MDC1: variants seen among roughly 807,000 people sequenced by gnomAD.
The protein encoded by MDC1 is mediator of DNA damage checkpoint 1.
A neutral mutation model predicts 142.5 loss-of-function variants in MDC1; 81 were observed. The observed-to-expected ratio is 0.57, with a 90% CI of 0.47 to 0.68. The LOEUF is 0.68. Among genes scored for constraint, MDC1 ranks in the 30% least tolerant of loss-of-function variants. The pLI is 0.00. For missense variants in MDC1, 2,119 were observed against 2,547.9 expected, an observed-to-expected ratio of 0.83 and a Z score of 3.62; for synonymous variants, 797 against 968.4, an observed-to-expected ratio of 0.82 and a Z score of 3.29.
At position 30,714,052 on chromosome 6, in the gene MDC1, G is replaced by A. The variant is rs774216207; in HGVS notation, c.268C>T (p.Arg90Ter). 7 of 1,612,958 alleles carry A rather than the reference G, an allele frequency of 4.3e-6. No homozygotes were observed. Among genetic ancestry groups the A allele is most frequent in the Middle Eastern group, 1.7e-4 (1 of 6,058 alleles). The change falls in exon 3 of 15, where the codon CGA (arginine) becomes TGA (stop). Residue 90 changes from arginine (R) to a stop codon, truncating the protein, a stop_gained. Coordinates refer to ENST00000376406, the MANE Select transcript of MDC1 (RefSeq NM_014641.3). LOFTEE classifies it high-confidence loss of function. ...ILAWDKAPILRDCGSLNGTQI... is the reference protein window; with the variant it reads ...ILAWDKAPIL The stretch of plus-strand genomic sequence containing the variant: ...GTACCATTAAGGCTCCCACAGTCTC[G>A]GAGGATAGGTGCCTTGTCCCAGGCT...
chr6:30,714,250 T>G, intron 2 of MDC1, 67 bp from the exon 3 acceptor site: 8 of 1,491,664 alleles, frequency 5.4e-6, no homozygotes, highest in Non-Finnish European at 7.1e-6. Context: ...AAAAAGTGCC[T>G]ATTAGGTACT....
chr6:30,707,451 A>C lies in MDC1; in HGVS notation c.3017T>G (p.Leu1006Arg). The change falls in exon 9 of 15, where the codon CTC becomes CGC. Residue 1006 changes from leucine (L) to arginine (R), a missense_variant. Physicochemically the swap from Leu to Arg is moderately radical, Grantham distance 102. Transcript: ENST00000376406. ...PVSPRRHQKG[L>R]LNCKMPPAEK... ...AGCAGGTGGCATCTTGCAATTCAGGAGGCCTAGACAGAAAGTAAACACAAA... is the reference window on the plus strand; with the variant it reads ...AGCAGGTGGCATCTTGCAATTCAGGCGGCCTAGACAGAAAGTAAACACAAA... 6.2e-7 allele frequency: 1 copy of C among 1,613,114 alleles called. No individual in the cohort carries two copies. Among genetic ancestry groups the C allele is most frequent in the Non-Finnish European group, 8.5e-7 (1 of 1,180,044 alleles).
intron 14 of MDC1, 101 bp from the exon 15 acceptor site, chr6:30,700,733 T>G: frequency 8.2e-7 from 1 of 1,226,010 alleles, no homozygotes; most frequent in Non-Finnish European, 1.2e-6. Flanking sequence ...TAATACCTCC[T>G]AATATGAAGC....
Position 30,707,802 on chromosome 6 carries a change from CTG to C in MDC1, c.2775_2776del (p.Asn925LysfsTer90). 1 of 1,613,124 alleles carries C rather than the reference CTG, an allele frequency of 6.2e-7. No individual in the cohort carries two copies. The highest frequency in any genetic ancestry group is 8.5e-7 in the Non-Finnish European group (1 of 1,180,042). ...TTCTAACTCGGCTGGATCGCACTCT[CTG>C]TTTGCTACTGGTCTCTCTACTTCTC... On this transcript the variant is annotated frameshift_variant, in exon 8 of 15. Coordinates refer to ENST00000376406, the MANE Select transcript of MDC1 (RefSeq NM_014641.3). LOFTEE classifies it high-confidence loss of function.
Position 30,712,141 on chromosome 6 carries a change from G to C in MDC1, c.1801C>G (p.Pro601Ala). The C allele has an allele frequency of 6.2e-7, 1 of 1,612,046 alleles. No individual in the cohort carries two copies. The highest frequency in any genetic ancestry group is 8.5e-7 in the Non-Finnish European group (1 of 1,179,558). The change falls in exon 5 of 15, where the codon CCA (proline) becomes GCA (alanine). Residue 601 changes from proline to alanine, a missense_variant. By Grantham distance (27) the Pro-to-Ala change is conservative. Coordinates refer to ENST00000376406, the MANE Select transcript of MDC1 (RefSeq NM_014641.3). The surrounding 1 kb of genome is among the most constrained non-coding windows in gnomAD (Gnocchi z 4.7). The part of the protein sequence containing the change: ...VVADVRKSQL[P>A]AEGDAGAEWA... ...TCTGCCCCAGCATCCCCTTCTGCTG[G>C]AAGCTGGCTCTTTCTTACATCTGCA... is the stretch of plus-strand genomic sequence containing the variant.
intron 7 of MDC1, among the ~76,000 whole-genome samples, chr6:30,708,568 C>G (rs554641416): frequency 1.3e-5 from 2 of 152,140 alleles, no homozygotes; most frequent in South Asian, 2.1e-4. Flanking sequence ...AAGGTCATAG[C>G]CTTAGGCGGG....
At position 30,703,171 on chromosome 6, in the gene MDC1, C is replaced by A; in HGVS notation, c.5798G>T (p.Arg1933Leu). Residue 1933 changes from arginine to leucine, a missense_variant, in exon 12 of 15, where the codon CGG becomes CTG. Coordinates refer to ENST00000376406, the MANE Select transcript of MDC1 (RefSeq NM_014641.3). The surrounding 1 kb of genome is among the most constrained non-coding windows in gnomAD (Gnocchi z 4.4). ...CAGGGCACACAGGAACTTGACTGTC[C>A]GGCGGATGCGATCAGTGACCAGGTG... The part of the protein sequence containing the change: ...ASHLVTDRIR[R>L]TVKFLCALGR... 1 of 1,613,076 alleles carries A rather than the reference C, an allele frequency of 6.2e-7. No individual in the cohort carries two copies. Among genetic ancestry groups the A allele is most frequent in the South Asian group, 1.1e-5 (1 of 91,084 alleles).
At position 30,715,217 on chromosome 6, in the gene MDC1, G is replaced by A; in HGVS notation, c.-3-39C>T. The A allele has an allele frequency of 6.2e-7, 1 of 1,611,394 alleles. No individual in the cohort carries two copies. Among genetic ancestry groups the A allele is most frequent in the South Asian group, 1.1e-5 (1 of 91,016 alleles). On this transcript the variant is annotated intron_variant, in intron 1 of 14. Coordinates refer to ENST00000376406, the MANE Select transcript of MDC1 (RefSeq NM_014641.3). This position sits in a 1 kb window ranked among gnomAD's most constrained non-coding sequence, Gnocchi z 4.1. ...ACATTATCAATTATCCTCATTATTG[G>A]TTCACACAAACAGCATCAGAGTTAT... is the stretch of plus-strand genomic sequence containing the variant.
In MDC1 at chr6:30,712,967, G is replaced by A. The variant is rs1433374189; in HGVS notation, c.975C>T (p.Gly325=). The A allele has an allele frequency of 6.2e-7, 1 of 1,612,898 alleles. No homozygotes were observed. Among genetic ancestry groups the A allele is most frequent in the African/African-American group, 1.3e-5 (1 of 74,914 alleles). The change falls in exon 5 of 15, where the codon GGC becomes GGT. Residue 325 remains glycine (G), a synonymous_variant. Transcript: ENST00000376406. The surrounding 1 kb of genome is among the most constrained non-coding windows in gnomAD (Gnocchi z 4.7). The part of the protein sequence containing the change: ...EVHLERAQPF[G]FIDSDTDAEE... ...CCGCATCAGTGTCGCTGTCGATGAA[G>A]CCAAAAGGCTGAGCCCTTTCCAAAT... is the stretch of plus-strand genomic sequence containing the variant.
In MDC1 at chr6:30,705,368, C is replaced by G. The variant is rs980292955; in HGVS notation, c.3815G>C (p.Arg1272Thr). The change falls in exon 10 of 15, where the codon AGA (arginine) becomes ACA (threonine). Residue 1272 changes from arginine (R) to threonine (T), a missense_variant. Coordinates refer to ENST00000376406, the MANE Select transcript of MDC1 (RefSeq NM_014641.3). ...SEPTYQATRG[R>T]KNRSSVKTPE... ...GGTCTTGACAGAGGATCTATTTTTT[C>G]TTCCCCTAGTAGCCTGATATGTGGG... The G allele has an allele frequency of 6.2e-7, 1 of 1,601,056 alleles. No individual in the cohort carries two copies. The highest frequency in any genetic ancestry group is 8.5e-7 in the Non-Finnish European group (1 of 1,174,972).
chr6:30,714,067 T>C lies in MDC1; in HGVS notation c.253A>G (p.Lys85Glu). The C allele has an allele frequency of 6.2e-7, 1 of 1,612,910 alleles. No individual in the cohort carries two copies. Among genetic ancestry groups the C allele is most frequent in the Non-Finnish European group, 8.5e-7 (1 of 1,180,032 alleles). ...HAEIEILAWD[K>E]APILRDCGSL... The stretch of plus-strand genomic sequence containing the variant: ...CCACAGTCTCGGAGGATAGGTGCCT[T>C]GTCCCAGGCTAAGATTTCAATCTCT... The change falls in exon 3 of 15, where the codon AAG (lysine) becomes GAG (glutamate). Residue 85 changes from lysine (K) to glutamate (E), a missense_variant. Physicochemically the swap from Lys to Glu is moderately conservative, Grantham distance 56. Coordinates refer to ENST00000376406, the MANE Select transcript of MDC1 (RefSeq NM_014641.3).
chr6:30,707,301 A>G (rs1774038283), intron 9 of MDC1, 83 bp downstream of exon 9: 2 of 1,387,894 alleles, frequency 1.4e-6, no homozygotes, highest in East Asian at 4.6e-5. Flanking sequence ...AAAGGAATAG[A>G]TTAAAGTGAG....
In MDC1 at chr6:30,706,069, C is replaced by T; in HGVS notation, c.3114G>A (p.Leu1038=). 1 of 1,593,614 alleles carries T rather than the reference C, an allele frequency of 6.3e-7. No individual in the cohort carries two copies. Among genetic ancestry groups the T allele is most frequent in the Non-Finnish European group, 8.5e-7 (1 of 1,177,118 alleles). Residue 1038 remains leucine (L), a synonymous_variant, in exon 10 of 15, where the codon CTG becomes CTA. Transcript: ENST00000376406. ...RGDQESPDAC[L]PPTVPEAPAP... is the part of the protein sequence containing the mutation. ...CTGGGGCTTCAGGTACTGTAGGAGG[C>T]AGACAAGCATCTGGAGATTCCTGAT...
At position 30,705,173 on chromosome 6, in the gene MDC1, G is replaced by A; in HGVS notation, c.4010C>T (p.Ser1337Phe). The change falls in exon 10 of 15, where the codon TCC (serine) becomes TTC (phenylalanine). Residue 1337 changes from serine to phenylalanine, a missense_variant. By Grantham distance (155) the Ser-to-Phe change is radical (BLOSUM62 -2). Transcript: ENST00000376406. ...PTAPELQIST[S>F]TDQPVTPKPT... ...CTTAGGGGTGACAGGTTGGTCTGTG[G>A]AGGTGGAAATCTGGAGCTCAGGGGC... 1.2e-6 allele frequency: 2 copies of A among 1,601,926 alleles called. No homozygotes were observed. The highest frequency in any genetic ancestry group is 1.7e-6 in the Non-Finnish European group (2 of 1,174,910).
In MDC1 at chr6:30,705,159, C is replaced by T. The variant is rs368435899; in HGVS notation, c.4024G>A (p.Val1342Ile). ...GTCCGAGATGTGGGCTTAGGGGTGA[C>T]AGGTTGGTCTGTGGAGGTGGAAATC... ...LQISTSTDQP[V>I]TPKPTSRTTR... The change falls in exon 10 of 15, where the codon GTC (valine) becomes ATC (isoleucine). Residue 1342 changes from valine (V) to isoleucine (I), a missense_variant. Transcript: ENST00000376406. The T allele has an allele frequency of 2.2e-5, 36 of 1,605,556 alleles. No individual in the cohort carries two copies. Among genetic ancestry groups the T allele is most frequent in the Non-Finnish European group, 3.0e-5 (35 of 1,176,534 alleles).
At position 30,712,850 on chromosome 6, in the gene MDC1, T is replaced by C. The variant is rs750866061; in HGVS notation, c.1092A>G (p.Pro364=). The change falls in exon 5 of 15, where the codon CCA becomes CCG. Residue 364 remains proline (P), a synonymous_variant. Coordinates refer to ENST00000376406, the MANE Select transcript of MDC1 (RefSeq NM_014641.3). The surrounding 1 kb of genome is among the most constrained non-coding windows in gnomAD (Gnocchi z 4.7). The stretch of plus-strand genomic sequence containing the variant: ...GGCTCTCCTGCAGATGGGCCAGGCC[T>C]GGTGCTCCAGGACCCCTTGTACCTA... ...HGVGTRGPGA[P]GLAHLQESQA... is the part of the protein sequence containing the mutation. 22 of 1,613,090 alleles carry C rather than the reference T, an allele frequency of 1.4e-5. No individual in the cohort carries two copies. Among genetic ancestry groups the C allele is most frequent in the Non-Finnish European group, 1.9e-5 (22 of 1,180,030 alleles).
chr6:30,704,572 G>T lies in MDC1; in HGVS notation c.4611C>A (p.Leu1537=), dbSNP rs1000265611. ...GTTGGTCTGTGGAGGTGGAAGGCTG[G>T]AGCTCAGGGGCTGCGGGCACAACTG... ...PETVVPAAPE[L]QPSTSTDQPV... Residue 1537 remains leucine, a synonymous_variant, in exon 10 of 15, where the codon CTC becomes CTA. Coordinates refer to ENST00000376406, the MANE Select transcript of MDC1 (RefSeq NM_014641.3). 1 of 1,606,882 alleles carries T rather than the reference G, an allele frequency of 6.2e-7. No individual in the cohort carries two copies. Among genetic ancestry groups the T allele is most frequent in the Non-Finnish European group, 8.5e-7 (1 of 1,176,826 alleles).
chr6:30,711,813 A>C, intron 5 of MDC1, 61 bp downstream of exon 5: 1 of 1,563,064 alleles, frequency 6.4e-7, no homozygotes, highest in Non-Finnish European at 8.7e-7. Flanking sequence ...TTCTCTCCCC[A>C]ACCCCAGCTG....
rs936978976 is a variant in MDC1, at chr6:30,702,938, T to C, written c.5866-61A>G. 3.1e-6 allele frequency: 5 copies of C among 1,609,952 alleles called. No individual in the cohort carries two copies. In the African/African-American group the frequency reaches 4.0e-5, roughly 13 times the overall value. On this transcript the variant is annotated intron_variant, in intron 12 of 14. Coordinates refer to ENST00000376406, the MANE Select transcript of MDC1 (RefSeq NM_014641.3). Reference sequence around the variant, plus strand: ...CAGCCCCTCAATCAGCTCTGCTGCCTAGCATTTAGAGAGAGCTCACAAAAT... The same window carrying C: ...CAGCCCCTCAATCAGCTCTGCTGCCCAGCATTTAGAGAGAGCTCACAAAAT...
Sources: allele counts gnomAD v4.1 joint callset (sites outside exome capture counted in the v4.1 genomes callset), GRCh38; gene constraint gnomAD v4.1.1; non-coding constraint Gnocchi (gnomAD v3.1); transcripts MANE v1.5; gene names NCBI Gene and HGNC (gene_info 2026-07-23, HGNC 2026-07-21).